The following BICDL1 variants were observed in gnomAD, a reference collection of about 807,000 sequenced individuals.
BICDL1 encodes BICD family like cargo adaptor 1.
A neutral mutation model predicts 76.8 loss-of-function variants in BICDL1; 20 were observed. The ratio of observed to expected loss-of-function variants is 0.26; its 90% CI spans 0.18 to 0.38. BICDL1 has a LOEUF of 0.38. BICDL1 is among the 10% of genes least tolerant of loss of function. The probability of loss-of-function intolerance (pLI) is 1.00; values close to 1 mark genes in which losing one functional copy is unlikely to be tolerated. For synonymous variants in BICDL1, 383 were observed against 337.1 expected (o/e 1.14, Z -1.49); for missense variants, 700 against 798.6 (o/e 0.88, Z 1.49).
At chr12:119,999,345 CTG>C (rs749804822) in intron 2 of BICDL1, among the ~76,000 whole-genome samples, 1 of 152,182 alleles carries the variant, frequency 6.6e-6, no homozygotes, top group Non-Finnish European at 1.5e-5. Context: ...CTCTAAAAGT[CTG>C]TGATTACTTT....
At chr12:120,011,751 A>G (rs1038779924) in intron 2 of BICDL1, among the ~76,000 whole-genome samples, 12 of 151,398 alleles carry the variant, frequency 7.9e-5, no homozygotes, top group African/African-American at 2.9e-4. Context: ...ATGGCTTTAC[A>G]TAATAGAGGT....
intron 2 of BICDL1, among the ~76,000 whole-genome samples, chr12:120,029,377 T>C (rs1952375017): frequency 6.6e-6 from 1 of 152,196 alleles, no homozygotes; most frequent in African/African-American, 2.4e-5. Context: ...ACTTCTTGAT[T>C]ATTATAACTT....
intron 2 of BICDL1, among the ~76,000 whole-genome samples, chr12:120,058,679 C>G (rs1461072923): frequency 6.6e-6 from 1 of 150,862 alleles, no homozygotes; most frequent in Non-Finnish European, 1.5e-5. Context: ...CAACCTCCCT[C>G]TCCTGGGTTT....
chr12:120,092,652 G>A, intron 9 of BICDL1: 1 of 985,472 alleles, frequency 1.0e-6, no homozygotes, highest in Non-Finnish European at 1.2e-6. Flanking sequence ...CAGGACACAG[G>A]AGGCAGAGCC....
At chr12:120,004,557 A>G (rs1315456016) in intron 2 of BICDL1, among the ~76,000 whole-genome samples, 1 of 152,200 alleles carries the variant, frequency 6.6e-6, no homozygotes, top group African/African-American at 2.4e-5. Flanking sequence ...GCCAAGAGAT[A>G]CCTGGAGGAA....
At chr12:120,088,484 G>C (rs1053102500) in intron 8 of BICDL1, among the ~76,000 whole-genome samples, 1 of 151,794 alleles carries the variant, frequency 6.6e-6, no homozygotes, top group African/African-American at 2.4e-5. Context: ...AGCCTCCCGA[G>C]TAGCTGGGAT....
Position 120,093,784 on chromosome 12 carries a change from C to CA in BICDL1, c.*624dup, listed in dbSNP as rs1326661602. ...AGCTCAGCTGAGGCCACCCGAGCCC[C>CA]AGGGAGGAAGAAGGCCCTGTCCCCC... is the stretch of plus-strand genomic sequence containing the variant. On this transcript the variant is annotated 3_prime_UTR_variant, in exon 10 of 10. Coordinates refer to ENST00000548673, the MANE Select transcript of BICDL1 (RefSeq NM_001367886.1). 5.6e-6 allele frequency: 1 copy of CA among 178,076 alleles called. No homozygotes were observed. Among genetic ancestry groups the CA allele is most frequent in the African/African-American group, 2.4e-5 (1 of 41,852 alleles). 11.0% of individuals were successfully genotyped at this position (178,076 alleles called of 1,614,324 possible).
At chr12:120,061,071 C>T (rs1953094946) in intron 2 of BICDL1, among the ~76,000 whole-genome samples, 1 of 152,198 alleles carries the variant, frequency 6.6e-6, no homozygotes, top group African/African-American at 2.4e-5. Context: ...GAGCCTCCTG[C>T]AACACCAGAT....
intron 2 of BICDL1, among the ~76,000 whole-genome samples, chr12:120,018,097 T>G (rs190601480): frequency 2.0e-3 from 312 of 152,320 alleles, no homozygotes; most frequent in Non-Finnish European, 3.7e-3. Context: ...AAGCTGTAAT[T>G]CTCATCCCTG....
chr12:119,991,115 A>C (rs1951513348), intron 1 of BICDL1, among the ~76,000 whole-genome samples: 1 of 152,204 alleles, frequency 6.6e-6, no homozygotes, highest in Non-Finnish European at 1.5e-5. Context: ...TGCAGTACAG[A>C]ATGCCAGCAT....
At chr12:120,043,641 G>A (rs1952688115) in intron 2 of BICDL1, among the ~76,000 whole-genome samples, 1 of 152,196 alleles carries the variant, frequency 6.6e-6, no homozygotes, top group African/African-American at 2.4e-5. Flanking sequence ...GATGGGCTAT[G>A]TAAATCAAAG....
chr12:120,050,994 G>A (rs562937383), intron 2 of BICDL1, among the ~76,000 whole-genome samples: 77 of 152,180 alleles, frequency 5.1e-4, no homozygotes, highest in Non-Finnish European at 9.0e-4. Context: ...TTCCAAATCT[G>A]AGAAGGTTGT....
intron 2 of BICDL1, among the ~76,000 whole-genome samples, chr12:120,047,614 C>T (rs547876131): frequency 6.6e-6 from 1 of 152,188 alleles, no homozygotes; most frequent in Admixed American, 6.5e-5. Context: ...CATATTTAAC[C>T]TGTGCTAAAC....
At chr12:119,993,361 C>T (rs1481626497) in intron 1 of BICDL1, 3 of 152,102 alleles carry the variant, frequency 2.0e-5, no homozygotes, top group Admixed American at 6.5e-5. Context: ...GTGTGCCAAG[C>T]CCAAGATTTT....
intron 8 of BICDL1, 47 bp downstream of exon 8, chr12:120,081,064 A>G: frequency 6.3e-7 from 1 of 1,590,810 alleles, no homozygotes; most frequent in South Asian, 1.1e-5. Context: ...AGTTGAGTAT[A>G]TAGAATTGAG....
Position 119,989,413 on chromosome 12 carries a change from G to A in BICDL1, c.-456G>A, listed in dbSNP as rs1006104277. 6.6e-6 allele frequency among the ~76,000 whole-genome samples: 1 copy of A among 150,836 alleles called. No homozygotes were observed. Among genetic ancestry groups the A allele is most frequent in the African/African-American group, 2.4e-5 (1 of 41,314 alleles). ...AGCAGCAGCAGCAGGAAGCGTCGCG[G>A]CGACAGCGGAGCGCAGCCCGCCCCG... is the stretch of plus-strand genomic sequence containing the variant. On this transcript the variant is annotated 5_prime_UTR_variant, in exon 1 of 10. Transcript: ENST00000548673.
At position 120,093,960 on chromosome 12, in the gene BICDL1, C is replaced by T; in HGVS notation, c.*799C>T. The T allele has an allele frequency of 3.0e-6, 1 of 328,842 alleles. No homozygotes were observed. Among genetic ancestry groups the T allele is most frequent in the South Asian group, 2.4e-5 (1 of 41,412 alleles). 20.4% of individuals were successfully genotyped at this position (328,842 alleles called of 1,614,324 possible). On this transcript the variant is annotated 3_prime_UTR_variant, in exon 10 of 10. Transcript: ENST00000548673. ...GGTTGGACGGGGTCTCCTCCTCCCA[C>T]AGCTCCCTCCTCCACCCCTCACATA...
intron 2 of BICDL1, among the ~76,000 whole-genome samples, chr12:120,007,483 G>C (rs1289557085): frequency 6.6e-6 from 1 of 152,050 alleles, no homozygotes; most frequent in African/African-American, 2.4e-5. Flanking sequence ...TCAGCTCCTA[G>C]AAGAACCACC....
chr12:120,092,860 G>T, intron 9 of BICDL1, 140 bp from the exon 10 acceptor site: 1 of 1,410,674 alleles, frequency 7.1e-7, no homozygotes, highest in Non-Finnish European at 9.2e-7. Flanking sequence ...CGCTTTCTTG[G>T]TCAGGGCAGT....
Sources: gnomAD v4.1 joint callset for allele counts (sites outside exome capture counted in the v4.1 genomes callset) on GRCh38, gnomAD v4.1.1 for gene constraint, MANE v1.5 for transcripts, NCBI Gene and HGNC (gene_info 2026-07-23, HGNC 2026-07-21) for gene names.